Variants in PCDHA1 observed in about 807,000 individuals in gnomAD.
PCDHA1 encodes protocadherin alpha 1, also known as protocadherin alpha-1.
Under a neutral mutation model 61.3 loss-of-function variants are expected in PCDHA1, and 42 were observed. That is an observed-to-expected ratio of 0.69 (90% CI 0.54 to 0.89). The LOEUF is 0.89. Among genes scored for constraint, PCDHA1 ranks in the 40% least tolerant of loss-of-function variants. The pLI is 0.00. For synonymous variants in PCDHA1, 610 were observed against 553.8 expected (o/e 1.10, Z -1.43); for missense variants, 1,256 against 1,235.3 (o/e 1.02, Z -0.25).
intron 1 of PCDHA1, chr5:140,862,228 T>C (rs1247109904): frequency 9.6e-6 from 2 of 209,024 alleles, no homozygotes; most frequent in Non-Finnish European, 1.9e-5. Flanking sequence ...ATAGAAGTCT[T>C]GGACATCAAT....
intron 1 of PCDHA1, among the ~76,000 whole-genome samples, chr5:140,924,901 A>AAAT (rs1554202313): frequency 5.5e-4 from 44 of 80,500 alleles, no homozygotes; most frequent in Non-Finnish European, 9.1e-4. Flanking sequence ...TCTCAAAAAA[A>AAAT]AAAATAAAAT....
At chr5:140,877,240 G>A (rs1481558429) in intron 1 of PCDHA1, 2 of 1,613,736 alleles carry the variant, frequency 1.2e-6, no homozygotes, top group Non-Finnish European at 1.7e-6. Context: ...TGCGGGCCAC[G>A]TGGTGGCGAA....
intron 1 of PCDHA1, among the ~76,000 whole-genome samples, chr5:140,891,033 G>C (rs2062910794): frequency 6.6e-6 from 1 of 151,596 alleles, no homozygotes; most frequent in South Asian, 2.1e-4. Context: ...TATAATCTTA[G>C]GTGTGACCCC....
chr5:140,835,858 A>G (rs1773990824), intron 1 of PCDHA1: 1 of 1,612,030 alleles, frequency 6.2e-7, no homozygotes, highest in South Asian at 1.1e-5. Context: ...CTGGTGTCCT[A>G]CTCGCTGGTG....
chr5:140,872,582 G>A (rs535860760), intron 1 of PCDHA1, among the ~76,000 whole-genome samples: 8 of 152,084 alleles, frequency 5.3e-5, no homozygotes, highest in Non-Finnish European at 1.2e-4. Flanking sequence ...ACCTATCATC[G>A]TGAGACCCCC....
chr5:140,791,186 T>C (rs934852786), intron 1 of PCDHA1, among the ~76,000 whole-genome samples: 3 of 152,234 alleles, frequency 2.0e-5, no homozygotes, highest in African/African-American at 7.2e-5. Context: ...GATATTCCTC[T>C]GAGAATGCTG....
At chr5:140,828,490 C>G in intron 1 of PCDHA1, 2 of 1,614,172 alleles carry the variant, frequency 1.2e-6, no homozygotes, top group Non-Finnish European at 1.7e-6. Context: ...CGCCCTTGTT[C>G]CCGGTAGAGG....
At chr5:140,823,023 C>T (rs148202782) in intron 1 of PCDHA1, 35 of 1,614,106 alleles carry the variant, frequency 2.2e-5, no homozygotes, top group African/African-American at 4.0e-5. Context: ...ACCGCGAGAG[C>T]GTGTCGGTCT....
rs201435940 is a variant in PCDHA1, at chr5:140,871,358, A to G, written c.2394+82674A>G. On this transcript the variant is annotated intron_variant, in intron 1 of 3. Transcript: ENST00000504120. The stretch of plus-strand genomic sequence containing the variant: ...GTGGGGAGCTGGTCATACTCGCAGC[A>G]GAGGCGGCAGAGGGTGTGCTCTGAG... 13 of 1,614,208 alleles carry G rather than the reference A, an allele frequency of 8.1e-6. No homozygotes were observed. In the East Asian group the frequency reaches 2.9e-4, roughly 36 times the overall value.
At position 141,009,849 on chromosome 5, in the gene PCDHA1, C is replaced by T. The variant is rs782348993; in HGVS notation, c.2765C>T (p.Thr922Ile). 54 of 1,613,364 alleles carry T rather than the reference C, an allele frequency of 3.3e-5. No individual in the cohort carries two copies. The South Asian group carries it at 5.8e-4, about 17-fold the overall frequency. ...DFITFGKKEETKKKKKKKKGN... is the reference protein window; with the variant it reads ...DFITFGKKEEIKKKKKKKKGN... ...ATAACCTTCGGCAAAAAGGAGGAGA[C>T]CAAGAAAAAGAAGAAAAAGAAGAAG... Residue 922 changes from threonine to isoleucine, a missense_variant, in exon 4 of 4, where the codon ACC becomes ATC. Transcript: ENST00000504120.
At position 140,851,423 on chromosome 5, in the gene PCDHA1, A is replaced by T. The variant is rs967768563; in HGVS notation, c.2394+62739A>T. 1.1e-5 allele frequency: 10 copies of T among 949,488 alleles called. 1 individual carries two copies. Among genetic ancestry groups the T allele is most frequent in the Non-Finnish European group, 1.3e-5 (10 of 784,130 alleles). 58.8% of individuals were successfully genotyped at this position (949,488 alleles called of 1,614,324 possible). On this transcript the variant is annotated intron_variant, in intron 1 of 3. Coordinates refer to ENST00000504120, the MANE Select transcript of PCDHA1 (RefSeq NM_018900.4). ...TTAATAAGAAAGAAACTTCCCCTAA[A>T]CTTTAGAAAACAGTTGCTCCACTTT...
In PCDHA1 at chr5:140,856,841, G is replaced by C. The variant is rs781868199; in HGVS notation, c.2394+68157G>C. The C allele has an allele frequency of 2.2e-5, 35 of 1,592,304 alleles. 4 individuals are homozygous for C. The Middle Eastern group carries it at 5.0e-4, about 23-fold the overall frequency. ...CCAAACATTAGTAATACGGCTCAAC[G>C]CTTCTGATTCGGATGAAGGAATAAA... On this transcript the variant is annotated intron_variant, in intron 1 of 3. Coordinates refer to ENST00000504120, the MANE Select transcript of PCDHA1 (RefSeq NM_018900.4).
At chr5:140,833,320 T>C (rs1179944167) in intron 1 of PCDHA1, among the ~76,000 whole-genome samples, 1 of 152,170 alleles carries the variant, frequency 6.6e-6, no homozygotes, top group Non-Finnish European at 1.5e-5. Context: ...TTACATGCCA[T>C]TGGGAACATT....
At chr5:140,905,669 A>G (rs781948009) in intron 1 of PCDHA1, among the ~76,000 whole-genome samples, 11 of 152,228 alleles carry the variant, frequency 7.2e-5, no homozygotes, top group Admixed American at 2.0e-4. Flanking sequence ...ATCCATTAAC[A>G]TGGAACATAT....
intron 1 of PCDHA1, among the ~76,000 whole-genome samples, chr5:140,940,287 C>T (rs190568424): frequency 6.6e-6 from 1 of 152,272 alleles, no homozygotes; most frequent in East Asian, 1.9e-4. Context: ...CATTGTGCTG[C>T]TTCATCAGTA....
chr5:140,933,413 T>A (rs2089136962), intron 1 of PCDHA1, among the ~76,000 whole-genome samples: 3 of 152,056 alleles, frequency 2.0e-5, no homozygotes, highest in Non-Finnish European at 4.4e-5. Flanking sequence ...TCTACAGATA[T>A]TCTGTGTTCA....
intron 1 of PCDHA1, chr5:140,808,469 C>A: frequency 6.2e-7 from 1 of 1,614,170 alleles, no homozygotes; most frequent in Non-Finnish European, 8.5e-7. Flanking sequence ...GGTGACCGCG[C>A]GAGACGGGGG....
chr5:140,857,909 T>C (rs1554150840), intron 1 of PCDHA1: 1 of 1,597,744 alleles, frequency 6.3e-7, no homozygotes, highest in Non-Finnish European at 8.6e-7. Flanking sequence ...ACGCATCCCG[T>C]TTCGCGTGGG....
At position 140,903,777 on chromosome 5, in the gene PCDHA1, T is replaced by C. The variant is rs80247548; in HGVS notation, c.2395-75172T>C. On this transcript the variant is annotated intron_variant, in intron 1 of 3. Transcript: ENST00000504120. ...GATTTTTGCTGAACTTTTCTATCCA[T>C]AAACTATCTATGGTTGTAATTGACA... 8.0e-3 allele frequency among the ~76,000 whole-genome samples: 1,216 copies of C among 152,334 alleles called. 6 individuals are homozygous for C. The highest frequency in any genetic ancestry group is 0.019 in the African/African-American group (784 of 41,582).
Sources: gnomAD v4.1 joint callset for allele counts (sites outside exome capture counted in the v4.1 genomes callset) on GRCh38, gnomAD v4.1.1 for gene constraint, MANE v1.5 for transcripts, NCBI Gene and HGNC (gene_info 2026-07-23, HGNC 2026-07-21) for gene names.